Variants in SEMA3D observed in about 807,000 individuals in gnomAD.
SEMA3D encodes the protein semaphorin-3D.
Under a neutral mutation model 100.1 loss-of-function variants are expected in SEMA3D, and 84 were observed. The observed-to-expected ratio is 0.84, with a 90% CI of 0.70 to 1.01. SEMA3D has a LOEUF of 1.01. Ranked by LOEUF, SEMA3D falls within the 50% of genes least tolerant of loss-of-function variation. SEMA3D has a pLI of 0.00. For synonymous variants in SEMA3D, 312 were observed against 320.7 expected, an observed-to-expected ratio of 0.97 and a Z score of 0.29; for missense variants, 875 against 934.1, an observed-to-expected ratio of 0.94 and a Z score of 0.82.
intron 2 of SEMA3D, among the ~76,000 whole-genome samples, chr7:85,147,011 C>G (rs1219090545): frequency 6.6e-6 from 1 of 151,362 alleles, no homozygotes; most frequent in Non-Finnish European, 1.5e-5. Flanking sequence ...CCGTATACCA[C>G]AGTATCAACA....
chr7:85,032,065 T>C (rs961009480), intron 12 of SEMA3D, among the ~76,000 whole-genome samples: 2 of 151,956 alleles, frequency 1.3e-5, no homozygotes, highest in Non-Finnish European at 1.5e-5. Flanking sequence ...TTCATTCCAC[T>C]GTTTTTGGCA....
intron 3 of SEMA3D, among the ~76,000 whole-genome samples, chr7:85,111,434 A>G (rs1272250140): frequency 1.3e-5 from 2 of 152,042 alleles, no homozygotes; most frequent in Non-Finnish European, 2.9e-5. Context: ...GTAGACCACA[A>G]CAAAACAAAA....
intron 8 of SEMA3D, among the ~76,000 whole-genome samples, chr7:85,058,334 C>T (rs899416298): frequency 3.3e-5 from 5 of 152,124 alleles, no homozygotes; most frequent in Admixed American, 6.5e-5. Context: ...ACCCCTGCCC[C>T]GGCCCTCTTT....
At chr7:85,037,881 G>A (rs188534693) in intron 11 of SEMA3D, among the ~76,000 whole-genome samples, 110 of 152,138 alleles carry the variant, frequency 7.2e-4, no homozygotes, top group Non-Finnish European at 1.4e-3. Flanking sequence ...TTTCAAAAAT[G>A]AGATCAACCT....
intron 15 of SEMA3D, among the ~76,000 whole-genome samples, chr7:85,016,317 A>G (rs546697554): frequency 8.7e-6 from 1 of 115,424 alleles, no homozygotes; most frequent in South Asian, 2.7e-4. Flanking sequence ...TACCTTTTAT[A>G]TTGTACAAAA....
the SEMA3D span, among the ~76,000 whole-genome samples, chr7:85,214,647 A>G: frequency 6.6e-6 from 1 of 151,874 alleles, no homozygotes; most frequent in Non-Finnish European, 1.5e-5. Flanking sequence ...TAGGCACGTG[A>G]CACCACACCA....
At chr7:85,169,464 T>C (rs541548915) in intron 1 of SEMA3D, among the ~76,000 whole-genome samples, 103 of 151,966 alleles carry the variant, frequency 6.8e-4, no homozygotes, top group African/African-American at 2.4e-3. Context: ...AATGGGCTGA[T>C]AGTAAGGAGG....
chr7:85,147,756 T>A (rs1296938540), intron 2 of SEMA3D, among the ~76,000 whole-genome samples: 4 of 152,214 alleles, frequency 2.6e-5, no homozygotes, highest in Admixed American at 6.5e-5. Context: ...GCTAATTTAT[T>A]GTTTTCTGAT....
chr7:85,197,252 AG>A, the SEMA3D span, among the ~76,000 whole-genome samples: 2 of 152,130 alleles, frequency 1.3e-5, no homozygotes, highest in Non-Finnish European at 2.9e-5. Context: ...ATTAACTAAA[AG>A]CCTAGCACCT....
At chr7:85,141,878 G>A in intron 2 of SEMA3D, 3 of 947,056 alleles carry the variant, frequency 3.2e-6, no homozygotes, top group Non-Finnish European at 3.8e-6. Context: ...TTCACTGAAA[G>A]ACCTTCTTGG....
chr7:85,164,353 C>T (rs1790834307), intron 1 of SEMA3D, among the ~76,000 whole-genome samples: 1 of 152,078 alleles, frequency 6.6e-6, no homozygotes, highest in Non-Finnish European at 1.5e-5. Flanking sequence ...TGTATCTATA[C>T]ATATACTTAT....
chr7:85,140,376 T>C (rs925087890), intron 2 of SEMA3D: 6 of 979,682 alleles, frequency 6.1e-6, no homozygotes, highest in Middle Eastern at 5.2e-4. Context: ...CAGTAGATGT[T>C]GGTAAATTAT....
intron 3 of SEMA3D, among the ~76,000 whole-genome samples, chr7:85,101,151 G>C (rs1468628972): frequency 6.6e-6 from 1 of 152,036 alleles, no homozygotes; most frequent in South Asian, 2.1e-4. Context: ...GCCTTAACAA[G>C]ATAATGCATT....
At chr7:85,070,685 A>C (rs1189976891) in intron 6 of SEMA3D, among the ~76,000 whole-genome samples, 1 of 152,176 alleles carries the variant, frequency 6.6e-6, no homozygotes, top group Admixed American at 6.5e-5. Context: ...TCTCTTATTC[A>C]TGGAACTTGT....
chr7:85,234,437 A>G, the SEMA3D span, among the ~76,000 whole-genome samples: 1 of 152,218 alleles, frequency 6.6e-6, no homozygotes, highest in Non-Finnish European at 1.5e-5. Flanking sequence ...GCAGCTGTGA[A>G]GCAGAGCCAT....
chr7:85,029,310 G>T, intron 12 of SEMA3D: 1 of 1,201,850 alleles, frequency 8.3e-7, no homozygotes. Context: ...TTGAGCCTAT[G>T]GTCCAGGAAA....
intron 18 of SEMA3D, among the ~76,000 whole-genome samples, chr7:85,002,975 G>T (rs996214014): frequency 6.6e-6 from 1 of 152,076 alleles, no homozygotes; most frequent in African/African-American, 2.4e-5. Flanking sequence ...TGCCTTGGAA[G>T]AGATCAGGGC....
the SEMA3D span, among the ~76,000 whole-genome samples, chr7:85,213,413 T>C: frequency 6.6e-6 from 1 of 152,098 alleles, no homozygotes; most frequent in Non-Finnish European, 1.5e-5. Context: ...CTTCACATCA[T>C]TTATATGTTA....
chr7:85,130,818 T>C lies in SEMA3D; in HGVS notation c.-40-8887A>G, dbSNP rs1190288231. 2.0e-5 allele frequency among the ~76,000 whole-genome samples: 3 copies of C among 152,256 alleles called. No homozygotes were observed. In the South Asian group the frequency reaches 6.2e-4, roughly 32 times the overall value. The stretch of plus-strand genomic sequence containing the variant: ...ACACCTCCACATATCCCAGGTCATA[T>C]CTTCCGTAACTCTTCTGGGACATGT... On this transcript the variant is annotated intron_variant, in intron 2 of 18. Transcript: ENST00000284136.
Sources: gnomAD v4.1 joint callset for allele counts (sites outside exome capture counted in the v4.1 genomes callset) on GRCh38, gnomAD v4.1.1 for gene constraint, MANE v1.5 for transcripts, NCBI Gene and HGNC (gene_info 2026-07-23, HGNC 2026-07-21) for gene names.